The following PRORP variants were observed in gnomAD, a reference collection of about 807,000 sequenced individuals.
PRORP encodes mitochondrial ribonuclease P catalytic subunit.
In PRORP, 51 loss-of-function variants were observed where a neutral mutation model predicts 59.4. That is an observed-to-expected ratio of 0.86 (90% CI 0.69 to 1.08). The LOEUF (loss-of-function observed/expected upper bound fraction) is 1.08. Ranked by LOEUF, PRORP falls within the 50% of genes least tolerant of loss-of-function variation. The probability of loss-of-function intolerance (pLI) is 0.00; values close to 1 mark genes in which losing one functional copy is unlikely to be tolerated. For missense variants in PRORP, 646 were observed against 690.3 expected (o/e 0.94, Z 0.72); for synonymous variants, 231 against 245.6 (o/e 0.94, Z 0.55).
chr14:35,174,347 A>G (rs992920835), intron 4 of PRORP, among the ~76,000 whole-genome samples: 1 of 152,104 alleles, frequency 6.6e-6, no homozygotes, highest in African/African-American at 2.4e-5. Flanking sequence ...TTCCATCATT[A>G]CCAGAGGTAG....
At chr14:35,207,114 G>T (rs2049314299) in intron 5 of PRORP, among the ~76,000 whole-genome samples, 1 of 150,718 alleles carries the variant, frequency 6.6e-6, no homozygotes, top group Admixed American at 6.6e-5. Flanking sequence ...TTTCTTTAAG[G>T]CTAACAGCCT....
At chr14:35,260,125 C>G (rs374577119) in intron 5 of PRORP, among the ~76,000 whole-genome samples, 1 of 151,322 alleles carries the variant, frequency 6.6e-6, no homozygotes, top group Non-Finnish European at 1.5e-5. Flanking sequence ...GATCCTCCCA[C>G]TTCAGCCTCC....
At chr14:35,157,218 G>GTGCTGGGA (rs2047938249) in intron 4 of PRORP, among the ~76,000 whole-genome samples, 1 of 152,046 alleles carries the variant, frequency 6.6e-6, no homozygotes, top group African/African-American at 2.4e-5. Flanking sequence ...GCCTCTCAAA[G>GTGCTGGGA]TGCTGGGATT....
At position 35,123,026 on chromosome 14, in the gene PRORP, C is replaced by A; in HGVS notation, c.-220C>A. On this transcript the variant is annotated 5_prime_UTR_variant, in exon 2 of 8. Transcript: ENST00000534898. ...CTGGTTTGCGGCTTGCGACGTTGGACATCCCCGGATTGTTGTTTAATAGAG... is the reference window on the plus strand; with the variant it reads ...CTGGTTTGCGGCTTGCGACGTTGGAAATCCCCGGATTGTTGTTTAATAGAG... The A allele has an allele frequency of 1.8e-6, 1 of 542,746 alleles. No individual in the cohort carries two copies. The highest frequency in any genetic ancestry group is 3.3e-6 in the Non-Finnish European group (1 of 305,352). The allele number at this position is 542,746 out of a possible 1,614,324, so 33.6% of individuals were successfully genotyped here. A position where few individuals can be genotyped will look rare whatever the true frequency, so the allele number is the denominator to read the frequency against.
In PRORP at chr14:35,213,236, C is replaced by A. The variant is rs181284369; in HGVS notation, c.1275+32459C>A. Among the ~76,000 whole-genome samples, 4 of 152,224 alleles carry A rather than the reference C, an allele frequency of 2.6e-5. No individual in the cohort carries two copies. The East Asian group carries it at 7.7e-4, about 29-fold the overall frequency. ...CAATAGGCTGTTTTGCTTTCTTTATCGTTTGCGTGTTCACTGGCATAACAC... is the reference window on the plus strand; with the variant it reads ...CAATAGGCTGTTTTGCTTTCTTTATAGTTTGCGTGTTCACTGGCATAACAC... On this transcript the variant is annotated intron_variant, in intron 5 of 7. Transcript: ENST00000534898.
chr14:35,237,191 G>C (rs2138524137), intron 5 of PRORP, among the ~76,000 whole-genome samples: 1 of 151,822 alleles, frequency 6.6e-6, no homozygotes, highest in African/African-American at 2.4e-5. Flanking sequence ...CTCCTAGGCT[G>C]AAATGATCCT....
intron 5 of PRORP, among the ~76,000 whole-genome samples, chr14:35,217,006 A>G (rs940442413): frequency 6.6e-6 from 1 of 152,046 alleles, no homozygotes; most frequent in Non-Finnish European, 1.5e-5. Flanking sequence ...ATTTTCTTTT[A>G]TTATTGAATT....
At chr14:35,158,941 G>T in intron 4 of PRORP, 2 of 343,154 alleles carry the variant, frequency 5.8e-6, no homozygotes, top group South Asian at 5.4e-5. Context: ...GAATTCAAAC[G>T]TTCTCTTCAC....
At chr14:35,230,311 C>T (rs2050044369) in intron 5 of PRORP, among the ~76,000 whole-genome samples, 1 of 152,204 alleles carries the variant, frequency 6.6e-6, no homozygotes, top group Non-Finnish European at 1.5e-5. Flanking sequence ...CTTGGCCTCC[C>T]AAGGTATTGG....
intron 4 of PRORP, among the ~76,000 whole-genome samples, chr14:35,163,497 T>A (rs1043435436): frequency 6.6e-6 from 1 of 152,226 alleles, no homozygotes; most frequent in Non-Finnish European, 1.5e-5. Context: ...GCTTTTAATC[T>A]GCATTTCTCT....
At chr14:35,221,534 A>T (rs1368079927) in intron 5 of PRORP, among the ~76,000 whole-genome samples, 1 of 152,032 alleles carries the variant, frequency 6.6e-6, no homozygotes, top group Non-Finnish European at 1.5e-5. Context: ...GTGCTCCTTT[A>T]AATTGTGTGC....
At chr14:35,256,326 C>CT (rs1178856754) in intron 5 of PRORP, among the ~76,000 whole-genome samples, 5,702 of 82,718 alleles carry the variant, frequency 0.069, 624 homozygotes, top group African/African-American at 0.16. Flanking sequence ...TTGTGCGTAT[C>CT]TTTTTTTTTT....
At chr14:35,162,227 A>G (rs1239251111) in intron 4 of PRORP, among the ~76,000 whole-genome samples, 1 of 152,132 alleles carries the variant, frequency 6.6e-6, no homozygotes, top group Non-Finnish European at 1.5e-5. Context: ...CAAGATAGAT[A>G]TAAGATAGAT....
chr14:35,235,251 G>A (rs58881498), intron 5 of PRORP: 5 of 717,490 alleles, frequency 7.0e-6, no homozygotes, highest in Admixed American at 5.3e-5. Flanking sequence ...TTGGGACCCA[G>A]GACATTGCCT....
intron 5 of PRORP, among the ~76,000 whole-genome samples, chr14:35,205,184 T>C (rs2049259738): frequency 6.6e-6 from 1 of 152,136 alleles, no homozygotes; most frequent in African/African-American, 2.4e-5. Context: ...TATGCAGTTT[T>C]TGTTGTTGTT....
chr14:35,149,592 C>T (rs1039179082), intron 4 of PRORP, among the ~76,000 whole-genome samples: 2 of 152,164 alleles, frequency 1.3e-5, no homozygotes, highest in African/African-American at 4.8e-5. Context: ...AACTTTTCTT[C>T]TACGGCTTCA....
chr14:35,155,080 G>A (rs755586023), intron 4 of PRORP, among the ~76,000 whole-genome samples: 1 of 152,094 alleles, frequency 6.6e-6, no homozygotes, highest in Non-Finnish European at 1.5e-5. Flanking sequence ...TTTTTGTAGA[G>A]AGGGGGTTTC....
intron 5 of PRORP, among the ~76,000 whole-genome samples, chr14:35,258,585 A>G (rs1012398112): frequency 6.6e-6 from 1 of 150,524 alleles, no homozygotes; most frequent in African/African-American, 2.5e-5. Context: ...GGCCAAGTGT[A>G]CTCCTTATCA....
At chr14:35,241,940 T>C (rs1402211528) in intron 5 of PRORP, among the ~76,000 whole-genome samples, 2 of 152,212 alleles carry the variant, frequency 1.3e-5, no homozygotes, top group African/African-American at 4.8e-5. Flanking sequence ...CTGGTGATTC[T>C]ACTGACACCT....
Sources: gnomAD v4.1 joint callset for allele counts (sites outside exome capture counted in the v4.1 genomes callset) on GRCh38, gnomAD v4.1.1 for gene constraint, MANE v1.5 for transcripts, NCBI Gene and HGNC (gene_info 2026-07-23, HGNC 2026-07-21) for gene names.